Variants in FHIT observed in about 807,000 individuals in gnomAD.
FHIT encodes bis(5'-adenosyl)-triphosphatase.
FHIT carries 19 observed loss-of-function variants against 17.9 expected under a neutral mutation model. That is an observed-to-expected ratio of 1.06 (90% CI 0.74 to 1.56). The LOEUF (loss-of-function observed/expected upper bound fraction) is 1.56, where lower values mean the gene tolerates loss of function less well. Among genes scored for constraint, FHIT ranks in the 40% most tolerant of loss-of-function variants. The pLI is 0.00. For missense variants in FHIT, 248 were observed against 189.2 expected (o/e 1.31, Z -1.82); for synonymous variants, 81 against 69.7 (o/e 1.16, Z -0.81).
intron 5 of FHIT, among the ~76,000 whole-genome samples, chr3:60,441,754 A>ATATTTATATATAT (rs1401129617): frequency 0.027 from 1,228 of 46,098 alleles, 122 homozygotes; most frequent in East Asian, 0.18. Flanking sequence ...TTATATATAT[A>ATATTTATATATAT]AAAATATATA....
chr3:60,725,399 T>C (rs1449573782), intron 4 of FHIT, among the ~76,000 whole-genome samples: 3 of 152,206 alleles, frequency 2.0e-5, no homozygotes, highest in Non-Finnish European at 4.4e-5. Context: ...TATGGTTTTG[T>C]CTAATAATGT....
rs549631046 is a variant in FHIT, at chr3:60,757,466, CAA to C, written c.-18+64451_-18+64452del. Among the ~76,000 whole-genome samples the C allele has an allele frequency of 9.2e-5, 14 of 152,300 alleles. No homozygotes were observed. The East Asian group carries it at 2.7e-3, about 29-fold the overall frequency. On this transcript the variant is annotated intron_variant, in intron 4 of 9. Transcript: ENST00000492590. ...GAATGAATGGAAAACTTCCTTTAGG[CAA>C]AGAGGACAGGAAGGGCCTCCTTAGG...
At chr3:60,861,413 G>T (rs1195472653) in intron 3 of FHIT, among the ~76,000 whole-genome samples, 4 of 150,522 alleles carry the variant, frequency 2.7e-5, no homozygotes, top group Non-Finnish European at 4.4e-5. Flanking sequence ...GCTGTCCTAT[G>T]CATTGTAGGG....
chr3:61,054,109 A>G (rs13088130), intron 2 of FHIT, among the ~76,000 whole-genome samples: 84,037 of 152,026 alleles, frequency 0.55, 26,084 homozygotes, highest in East Asian at 0.79. Context: ...GGTATCCCCA[A>G]ACTTCATAAG....
intron 5 of FHIT, among the ~76,000 whole-genome samples, chr3:60,472,926 A>G (rs2033161877): frequency 1.3e-5 from 2 of 152,162 alleles, no homozygotes; most frequent in Admixed American, 1.3e-4. Context: ...TATTCATTTA[A>G]GTTTTCTGAC....
chr3:60,720,481 G>C (rs9654008), intron 4 of FHIT, among the ~76,000 whole-genome samples: 3,007 of 152,312 alleles, frequency 0.02, 122 homozygotes, highest in African/African-American at 0.068. Context: ...TAGAGAGCAA[G>C]AGCTTACTTA....
rs184826992 is a variant in FHIT at position 60,374,101 on chromosome 3, T to C, written c.103+162759A>G. The stretch of plus-strand genomic sequence containing the variant: ...TTCTCTGAATTATTTTTCTTACATA[T>C]AACACATATATGACATTTGACCTTG... On this transcript the variant is annotated intron_variant, in intron 5 of 9. Coordinates refer to ENST00000492590, the MANE Select transcript of FHIT (RefSeq NM_002012.4). Among the ~76,000 whole-genome samples the C allele has an allele frequency of 2.5e-3, 377 of 152,334 alleles. 1 individual carries two copies. Among genetic ancestry groups the C allele is most frequent in the Non-Finnish European group, 4.2e-3 (288 of 68,030 alleles).
At chr3:60,770,559 T>C (rs1254526688) in intron 4 of FHIT, among the ~76,000 whole-genome samples, 1 of 152,140 alleles carries the variant, frequency 6.6e-6, no homozygotes, top group Non-Finnish European at 1.5e-5. Context: ...TTTTCCAGTA[T>C]AGGCAGTGAG....
intron 2 of FHIT, among the ~76,000 whole-genome samples, chr3:61,096,704 G>A (rs1288703670): frequency 1.3e-5 from 2 of 152,188 alleles, no homozygotes; most frequent in Non-Finnish European, 2.9e-5. Context: ...AGCAATGCCT[G>A]ACAAAAGTAG....
intron 4 of FHIT, among the ~76,000 whole-genome samples, chr3:60,817,251 AG>A: frequency 6.6e-6 from 1 of 152,160 alleles, no homozygotes; most frequent in East Asian, 1.9e-4. Flanking sequence ...TTGCTTTAAC[AG>A]GTCCTGTGTA....
chr3:61,083,366 G>A (rs1034515395), intron 2 of FHIT, among the ~76,000 whole-genome samples: 2 of 152,090 alleles, frequency 1.3e-5, no homozygotes, highest in South Asian at 2.1e-4. Flanking sequence ...CGAGGCGGGC[G>A]GATCACGAGG....
At chr3:60,937,540 C>CTT (rs35814395) in intron 3 of FHIT, among the ~76,000 whole-genome samples, 124,412 of 141,586 alleles carry the variant, frequency 0.88, 57,095 homozygotes, top group South Asian at 1. Flanking sequence ...TGGTCTACTG[C>CTT]TTTTTTTTTC....
intron 5 of FHIT, among the ~76,000 whole-genome samples, chr3:60,034,404 T>G (rs1332860523): frequency 6.6e-6 from 1 of 151,206 alleles, no homozygotes; most frequent in African/African-American, 2.5e-5. Context: ...TCACAGGAAT[T>G]TAATTATCTG....
intron 4 of FHIT, among the ~76,000 whole-genome samples, chr3:60,807,367 G>A (rs1479127426): frequency 2.0e-5 from 3 of 150,986 alleles, no homozygotes; most frequent in African/African-American, 7.3e-5. Flanking sequence ...GAACCCAGGA[G>A]TTTGAGACTA....
chr3:61,068,649 G>A (rs954553436), intron 2 of FHIT, among the ~76,000 whole-genome samples: 1 of 152,086 alleles, frequency 6.6e-6, no homozygotes, highest in African/African-American at 2.4e-5. Flanking sequence ...TTAGGGTGTA[G>A]ATATCTTTGG....
At chr3:61,250,941 C>T (rs1289436712) in intron 1 of FHIT, among the ~76,000 whole-genome samples, 1 of 152,182 alleles carries the variant, frequency 6.6e-6, no homozygotes, top group Admixed American at 6.5e-5. Flanking sequence ...GACGGATTTT[C>T]GCTACTTGTC....
chr3:61,062,954 C>G (rs1473274230), intron 2 of FHIT, among the ~76,000 whole-genome samples: 1 of 152,128 alleles, frequency 6.6e-6, no homozygotes, highest in Non-Finnish European at 1.5e-5. Context: ...ATCATTAACA[C>G]AGACTCGTAG....
rs1700670247 is a variant in FHIT at position 59,747,473 on chromosome 3, C to A, written c.*2112G>T. On this transcript the variant is annotated 3_prime_UTR_variant, in exon 10 of 10. Coordinates refer to ENST00000492590, the MANE Select transcript of FHIT (RefSeq NM_002012.4). ...GATTCAGTTACCTCCCACTGGGTCCCTCCCATGACATGTGGGGATTATGGG... is the reference window on the plus strand; with the variant it reads ...GATTCAGTTACCTCCCACTGGGTCCATCCCATGACATGTGGGGATTATGGG... 6.6e-6 allele frequency among the ~76,000 whole-genome samples: 1 copy of A among 152,112 alleles called. No individual in the cohort carries two copies. Among genetic ancestry groups the A allele is most frequent in the Non-Finnish European group, 1.5e-5 (1 of 68,008 alleles).
intron 4 of FHIT, among the ~76,000 whole-genome samples, chr3:60,738,858 G>A (rs1450701918): frequency 6.6e-6 from 1 of 152,314 alleles, no homozygotes; most frequent in Non-Finnish European, 1.5e-5. Context: ...CCCCTAAGTG[G>A]GGCATTTCTG....
Sources: allele counts gnomAD v4.1 joint callset (sites outside exome capture counted in the v4.1 genomes callset), GRCh38; gene constraint gnomAD v4.1.1; transcripts MANE v1.5; gene names NCBI Gene and HGNC (gene_info 2026-07-23, HGNC 2026-07-21).